AGO2: variants seen among roughly 807,000 people sequenced by gnomAD.
AGO2 encodes the protein argonaute RISC catalytic component 2.
In AGO2, 5 loss-of-function variants were observed where a neutral mutation model predicts 102.3. That is an observed-to-expected ratio of 0.05 (90% CI 0.03 to 0.10). The LOEUF is 0.10. Among genes scored for constraint, AGO2 ranks in the 10% least tolerant of loss-of-function variants. The pLI is 1.00. For missense variants in AGO2, 541 were observed against 1,183.7 expected (o/e 0.46, Z 7.97); for synonymous variants, 449 against 473.1 (o/e 0.95, Z 0.66).
At chr8:140,608,481 C>T (rs1373761889) in intron 1 of AGO2, among the ~76,000 whole-genome samples, 1 of 152,242 alleles carries the variant, frequency 6.6e-6, no homozygotes, top group African/African-American at 2.4e-5. Flanking sequence ...CCCCATGCCC[C>T]CTCCCAGCGC....
chr8:140,603,433 G>A (rs192078579), intron 1 of AGO2, among the ~76,000 whole-genome samples: 12 of 152,236 alleles, frequency 7.9e-5, no homozygotes, highest in African/African-American at 1.7e-4. Context: ...GTGGCCTTTC[G>A]CACATCCACA....
the AGO2 span, among the ~76,000 whole-genome samples, chr8:140,642,193 G>A: frequency 2.6e-5 from 4 of 152,300 alleles, no homozygotes; most frequent in South Asian, 4.1e-4. Flanking sequence ...GCATACTCAC[G>A]GATTGGGACG....
intron 1 of AGO2, among the ~76,000 whole-genome samples, chr8:140,598,857 C>T (rs1207205647): frequency 4.6e-5 from 7 of 152,244 alleles, no homozygotes; most frequent in African/African-American, 7.2e-5. Flanking sequence ...CACCTCCTTG[C>T]AGGACTCATG....
chr8:140,623,579 G>T (rs1334014681), intron 1 of AGO2, among the ~76,000 whole-genome samples: 1 of 152,160 alleles, frequency 6.6e-6, no homozygotes, highest in Admixed American at 6.5e-5. Flanking sequence ...GAAGGGCAGG[G>T]CTGGTGGGAG....
chr8:140,610,729 C>A (rs1417679744), intron 1 of AGO2, among the ~76,000 whole-genome samples: 2 of 152,194 alleles, frequency 1.3e-5, no homozygotes, highest in Admixed American at 6.5e-5. Context: ...ACTGTCTCTG[C>A]ACCAGAGGGG....
At position 140,525,077 on chromosome 8, in the gene AGO2, C is replaced by T. The variant is rs2072478953; in HGVS notation, c.*6967G>A. 6.6e-6 allele frequency: 1 copy of T among 152,202 alleles called. No homozygotes were observed. Among genetic ancestry groups the T allele is most frequent in the Admixed American group, 6.5e-5 (1 of 15,286 alleles). 9.4% of individuals were successfully genotyped at this position (152,202 alleles called of 1,614,324 possible). ...CTGGGGGCTGAGGTGAGGACTTAACCCTTTAATCATACCACCCACAGCATT... is the reference window on the plus strand; with the variant it reads ...CTGGGGGCTGAGGTGAGGACTTAACTCTTTAATCATACCACCCACAGCATT... On this transcript the variant is annotated 3_prime_UTR_variant, in exon 19 of 19. Transcript: ENST00000220592.
At chr8:140,533,281 T>C (rs2977463) in intron 17 of AGO2, among the ~76,000 whole-genome samples, 90,672 of 150,380 alleles carry the variant, frequency 0.6, 29,483 homozygotes, top group African/African-American at 0.88. Context: ...CCCAGCTACT[T>C]GGGAGGCTGA....
intron 2 of AGO2, among the ~76,000 whole-genome samples, chr8:140,576,014 C>T (rs1453617924): frequency 2.0e-5 from 3 of 152,034 alleles, no homozygotes; most frequent in African/African-American, 7.3e-5. Flanking sequence ...GAGAGAGGCA[C>T]CATTATAAAA....
chr8:140,609,463 G>A (rs890573302), intron 1 of AGO2, among the ~76,000 whole-genome samples: 15 of 152,190 alleles, frequency 9.9e-5, no homozygotes, highest in East Asian at 1.9e-4. Context: ...ACAGCAGGTC[G>A]GCACGGCGGC....
chr8:140,614,061 G>A (rs1289505752), intron 1 of AGO2, among the ~76,000 whole-genome samples: 6 of 138,548 alleles, frequency 4.3e-5, no homozygotes, highest in Non-Finnish European at 6.1e-5. Flanking sequence ...GGTGGCTCAC[G>A]CCTGTAATTC....
chr8:140,577,444 A>C (rs1205801393), intron 2 of AGO2, among the ~76,000 whole-genome samples: 4 of 152,236 alleles, frequency 2.6e-5, no homozygotes, highest in African/African-American at 9.6e-5. Flanking sequence ...TGGTTCTTAC[A>C]GGAGTGTATA....
rs778368719 is a variant in AGO2, at chr8:140,558,544, C to T, written c.819G>A (p.Gly273=). 1.9e-6 allele frequency: 3 copies of T among 1,614,214 alleles called. No homozygotes were observed. The highest frequency in any genetic ancestry group is 2.5e-6 in the Non-Finnish European group (3 of 1,180,026). ...KGLKVEITHC[G]QMKRKYRVCN... ...AGACGCGGTACTTCCTCTTCATCTG[C>T]CCACAGTGCGTTATCTCCACCTTTA... Residue 273 remains glycine, a synonymous_variant, in exon 7 of 19, where the codon GGG becomes GGA. Transcript: ENST00000220592.
At position 140,612,956 on chromosome 8, in the gene AGO2, T is replaced by C. The variant is rs559860179; in HGVS notation, c.22+22529A>G. Reference sequence around the variant, plus strand: ...GGCTCGCGTCTTTAATCCCAGCACTTTGGGAGGCCGAGGTGGGCAGATCAC... The same window carrying C: ...GGCTCGCGTCTTTAATCCCAGCACTCTGGGAGGCCGAGGTGGGCAGATCAC... On this transcript the variant is annotated intron_variant, in intron 1 of 18. Transcript: ENST00000220592. Among the ~76,000 whole-genome samples, 7 of 151,954 alleles carry C rather than the reference T, an allele frequency of 4.6e-5. No homozygotes were observed. In the South Asian group the frequency reaches 1.5e-3, roughly 32 times the overall value.
At chr8:140,547,410 T>C in intron 13 of AGO2, 58 bp downstream of exon 13, 1 of 1,581,940 alleles carries the variant, frequency 6.3e-7, no homozygotes, top group Non-Finnish European at 8.6e-7. Context: ...CACCCCACCC[T>C]GCCAAGCGTC....
In AGO2 at chr8:140,522,027, G is replaced by A. The variant is rs542993761; in HGVS notation, c.*10017C>T. On this transcript the variant is annotated 3_prime_UTR_variant, in exon 19 of 19. Coordinates refer to ENST00000220592, the MANE Select transcript of AGO2 (RefSeq NM_012154.5). ...ATTTTTTTTTTTCTTTTCACAGGGG[G>A]GCAGTCGGGATTATAATACACTGTA... 6.6e-6 allele frequency: 1 copy of A among 151,962 alleles called. No individual in the cohort carries two copies. The highest frequency in any genetic ancestry group is 1.5e-5 in the Non-Finnish European group (1 of 68,010). The allele number at this position is 151,962 out of a possible 1,614,324, so 9.4% of individuals were successfully genotyped here.
chr8:140,578,701 A>G (rs1374098303), intron 2 of AGO2, among the ~76,000 whole-genome samples: 3 of 152,216 alleles, frequency 2.0e-5, no homozygotes, highest in Non-Finnish European at 4.4e-5. Flanking sequence ...TGTTGAAACG[A>G]AGGAAAAGGA....
At chr8:140,584,659 T>C (rs1438966633) in intron 2 of AGO2, among the ~76,000 whole-genome samples, 3 of 152,082 alleles carry the variant, frequency 2.0e-5, no homozygotes, top group Admixed American at 1.3e-4. Flanking sequence ...AAGCTACAAA[T>C]ACACACAACG....
chr8:140,573,468 G>A lies in AGO2; in HGVS notation c.216-536C>T, dbSNP rs138358248. Among the ~76,000 whole-genome samples, 17 of 152,144 alleles carry A rather than the reference G, an allele frequency of 1.1e-4. No individual in the cohort carries two copies. In the East Asian group the frequency reaches 2.9e-3, roughly 26 times the overall value. On this transcript the variant is annotated intron_variant, in intron 2 of 18. Transcript: ENST00000220592. Reference sequence around the variant, plus strand: ...GCTGGAATTACAGGCGTGAGCCACCGCACCCAGCCCTCTGATGCTATTTTT... The same window carrying A: ...GCTGGAATTACAGGCGTGAGCCACCACACCCAGCCCTCTGATGCTATTTTT...
At chr8:140,585,066 G>GT in intron 2 of AGO2, 53 bp downstream of exon 2, 2 of 1,508,778 alleles carry the variant, frequency 1.3e-6, no homozygotes, top group Non-Finnish European at 9.0e-7. Flanking sequence ...TTTAAATGCC[G>GT]TGTCTGTCCG....
Sources: allele counts gnomAD v4.1 joint callset (sites outside exome capture counted in the v4.1 genomes callset), GRCh38; gene constraint gnomAD v4.1.1; transcripts MANE v1.5; gene names NCBI Gene and HGNC (gene_info 2026-07-23, HGNC 2026-07-21).